Variants in RBFOX1 observed in about 807,000 individuals in gnomAD.
RBFOX1 encodes the protein RNA binding protein fox-1 homolog 1.
A neutral mutation model predicts 57.7 loss-of-function variants in RBFOX1; 8 were observed. That is an observed-to-expected ratio of 0.14 (90% CI 0.08 to 0.25). The LOEUF is 0.25. Ranked by LOEUF, RBFOX1 falls within the 10% of genes least tolerant of loss-of-function variation. The pLI is 1.00. For missense variants in RBFOX1, 611 were observed against 548.5 expected, an observed-to-expected ratio of 1.11 and a Z score of -1.14; for synonymous variants, 326 against 222.4, an observed-to-expected ratio of 1.47 and a Z score of -4.15.
chr16:7,404,151 C>A (rs1227450480), intron 4 of RBFOX1, among the ~76,000 whole-genome samples: 10 of 151,788 alleles, frequency 6.6e-5, no homozygotes, highest in Admixed American at 6.6e-4. Context: ...CTCCCAGGTT[C>A]AAGCGATTCT....
Position 7,129,823 on chromosome 16 carries a change from A to G in RBFOX1, c.27+77725A>G, listed in dbSNP as rs1460377635. ...AAAAAATGAGTGAATGGTTAGACAG[A>G]TAGATGGATGATGGATGGGTGGGTG... On this transcript the variant is annotated intron_variant, in intron 4 of 15. Transcript: ENST00000550418. 6.9e-5 allele frequency among the ~76,000 whole-genome samples: 8 copies of G among 115,868 alleles called. No individual in the cohort carries two copies. In the East Asian group the frequency reaches 1.8e-3, roughly 26 times the overall value. 76.0% of individuals were successfully genotyped at this position (115,868 alleles called of 152,430 possible). A position where few individuals can be genotyped will look rare whatever the true frequency, so the allele number is the denominator to read the frequency against.
chr16:5,774,914 C>G (rs1488386190), intron 3 of RBFOX1, among the ~76,000 whole-genome samples: 2 of 152,102 alleles, frequency 1.3e-5, no homozygotes, highest in African/African-American at 4.8e-5. Context: ...AACTCCTGAC[C>G]TCAGGTGATC....
At chr16:7,122,118 C>G (rs2067325159) in intron 4 of RBFOX1, among the ~76,000 whole-genome samples, 4 of 151,992 alleles carry the variant, frequency 2.6e-5, no homozygotes, top group Non-Finnish European at 4.4e-5. Flanking sequence ...GGCCATGACA[C>G]CAAATGCACA....
chr16:7,522,655 G>C (rs2077759718), intron 5 of RBFOX1, among the ~76,000 whole-genome samples: 1 of 152,164 alleles, frequency 6.6e-6, no homozygotes, highest in Non-Finnish European at 1.5e-5. Flanking sequence ...AGTTGATTTA[G>C]ATTCAACTAA....
In RBFOX1 at chr16:6,328,016, G is replaced by A. The variant is rs181714669; in HGVS notation, c.-64+10959G>A. Among the ~76,000 whole-genome samples the A allele has an allele frequency of 6.0e-4, 92 of 152,248 alleles. 4 individuals carry two copies. The East Asian group carries it at 0.013, about 22-fold the overall frequency. ...AAAGGTTGTGCATTGCCAATTTGCA[G>A]TTGCAAAAATCTGGAACCAGCCCTA... On this transcript the variant is annotated intron_variant, in intron 2 of 15. Coordinates refer to ENST00000550418, the MANE Select transcript of RBFOX1 (RefSeq NM_018723.4).
chr16:7,601,123 G>C (rs1333944899), intron 9 of RBFOX1, among the ~76,000 whole-genome samples: 1 of 152,166 alleles, frequency 6.6e-6, no homozygotes. Flanking sequence ...TTTTCTTAGA[G>C]ATGTTAGGAA....
chr16:6,309,317 G>C (rs1006065772), intron 1 of RBFOX1, among the ~76,000 whole-genome samples: 1 of 152,096 alleles, frequency 6.6e-6, no homozygotes, highest in African/African-American at 2.4e-5. Flanking sequence ...TGGTACCTCT[G>C]CTCTCTCTGG....
At chr16:7,012,772 C>T (rs2093713325) in intron 3 of RBFOX1, among the ~76,000 whole-genome samples, 1 of 152,178 alleles carries the variant, frequency 6.6e-6, no homozygotes, top group Non-Finnish European at 1.5e-5. Context: ...TGTTTCCTTT[C>T]AAGTTTTGAC....
intron 4 of RBFOX1, among the ~76,000 whole-genome samples, chr16:7,207,220 A>G (rs559923852): frequency 3.9e-5 from 6 of 152,160 alleles, no homozygotes; most frequent in African/African-American, 1.2e-4. Flanking sequence ...GCTCATTTTT[A>G]TGTATATGGC....
At chr16:5,523,150 G>A (rs1053338819) in intron 2 of RBFOX1, among the ~76,000 whole-genome samples, 1 of 152,156 alleles carries the variant, frequency 6.6e-6, no homozygotes, top group African/African-American at 2.4e-5. Context: ...GCTGGGTTTG[G>A]TGGTGCATGC....
intron 4 of RBFOX1, among the ~76,000 whole-genome samples, chr16:7,260,092 C>T (rs184061699): frequency 2.0e-5 from 3 of 152,198 alleles, no homozygotes; most frequent in Admixed American, 6.5e-5. Flanking sequence ...AATATATAAC[C>T]ATATATTGTG....
chr16:7,563,813 T>A (rs1292111596), intron 5 of RBFOX1, among the ~76,000 whole-genome samples: 2 of 134,136 alleles, frequency 1.5e-5, no homozygotes, highest in Admixed American at 1.4e-4. Context: ...AGCCAAATCT[T>A]TGCAACAAGA....
At chr16:7,264,339 A>C (rs2095046674) in intron 4 of RBFOX1, among the ~76,000 whole-genome samples, 1 of 152,242 alleles carries the variant, frequency 6.6e-6, no homozygotes, top group South Asian at 2.1e-4. Context: ...ATAGTTGTTG[A>C]GGGCCTCCAA....
intron 5 of RBFOX1, among the ~76,000 whole-genome samples, chr16:7,553,973 G>A (rs963546133): frequency 2.6e-5 from 4 of 152,188 alleles, no homozygotes; most frequent in Admixed American, 2.0e-4. Flanking sequence ...GCCAGGCCCA[G>A]TGGCTCACAC....
intron 4 of RBFOX1, among the ~76,000 whole-genome samples, chr16:5,879,843 T>C (rs1280063372): frequency 1.3e-5 from 2 of 152,172 alleles, no homozygotes; most frequent in East Asian, 3.9e-4. Context: ...ACCTCCACTA[T>C]CACTCTGGCA....
chr16:7,032,000 C>G (rs1333749018), intron 3 of RBFOX1, among the ~76,000 whole-genome samples: 1 of 152,164 alleles, frequency 6.6e-6, no homozygotes, highest in Admixed American at 6.5e-5. Flanking sequence ...AGTATGGCCT[C>G]CTGGCTTTGC....
At chr16:5,831,723 C>T (rs924026413) in intron 3 of RBFOX1, among the ~76,000 whole-genome samples, 10 of 152,054 alleles carry the variant, frequency 6.6e-5, no homozygotes, top group African/African-American at 2.4e-4. Flanking sequence ...GTGTGAGCCA[C>T]TGCACCTAGC....
intron 1 of RBFOX1, among the ~76,000 whole-genome samples, chr16:6,263,135 G>T (rs2097711378): frequency 6.6e-6 from 1 of 152,132 alleles, no homozygotes; most frequent in African/African-American, 2.4e-5. Context: ...GGTTGAAATG[G>T]GTTGAAATGA....
chr16:7,213,094 C>T (rs2091443241), intron 4 of RBFOX1, among the ~76,000 whole-genome samples: 1 of 152,142 alleles, frequency 6.6e-6, no homozygotes, highest in Non-Finnish European at 1.5e-5. Context: ...GACTTTACTG[C>T]TAATAGGGGT....
Sources: gnomAD v4.1 joint callset for allele counts (sites outside exome capture counted in the v4.1 genomes callset) on GRCh38, gnomAD v4.1.1 for gene constraint, MANE v1.5 for transcripts, NCBI Gene and HGNC (gene_info 2026-07-23, HGNC 2026-07-21) for gene names.